Variants in FMN2 observed in about 807,000 individuals in gnomAD.
FMN2 encodes the protein formin 2.
A neutral mutation model predicts 142.3 loss-of-function variants in FMN2; 51 were observed. That is an observed-to-expected ratio of 0.36 (90% CI 0.29 to 0.45). FMN2 has a LOEUF of 0.45. FMN2 is among the 20% of genes least tolerant of loss of function. The probability of loss-of-function intolerance (pLI) is 1.00; values close to 1 mark genes in which losing one functional copy is unlikely to be tolerated. For synonymous variants in FMN2, 882 were observed against 869.8 expected, an observed-to-expected ratio of 1.01 and a Z score of -0.25; for missense variants, 1,936 against 2,122.8, an observed-to-expected ratio of 0.91 and a Z score of 1.73.
At chr1:240,156,840 T>C (rs1664044851) in intron 2 of FMN2, among the ~76,000 whole-genome samples, 1 of 152,126 alleles carries the variant, frequency 6.6e-6, no homozygotes, top group African/African-American at 2.4e-5. Flanking sequence ...GATTAATAGA[T>C]GCAATTCATT....
At chr1:240,330,467 TA>T in intron 10 of FMN2, 135 bp from the exon 11 acceptor site, 1 of 826,340 alleles carries the variant, frequency 1.2e-6, no homozygotes, top group Non-Finnish European at 1.8e-6. Context: ...AAAATATACC[TA>T]ATAATTAGGA....
intron 2 of FMN2, among the ~76,000 whole-genome samples, chr1:240,131,122 A>C (rs974773671): frequency 8.5e-5 from 13 of 152,174 alleles, no homozygotes; most frequent in African/African-American, 3.1e-4. Context: ...TGGATTTCTG[A>C]AAGTTTATTT....
intron 14 of FMN2, among the ~76,000 whole-genome samples, chr1:240,390,768 A>G (rs1673579707): frequency 6.6e-6 from 1 of 152,222 alleles, no homozygotes; most frequent in Admixed American, 6.5e-5. Flanking sequence ...CAAAATCAGG[A>G]ATCGAATACA....
intron 7 of FMN2, among the ~76,000 whole-genome samples, chr1:240,266,710 T>C (rs1479949512): frequency 6.6e-6 from 1 of 151,872 alleles, no homozygotes; most frequent in Non-Finnish European, 1.5e-5. Flanking sequence ...CAATTTATTA[T>C]TACAGAGACC....
At chr1:240,180,720 C>A (rs1043404895) in intron 3 of FMN2, among the ~76,000 whole-genome samples, 4 of 151,802 alleles carry the variant, frequency 2.6e-5, no homozygotes, top group African/African-American at 9.7e-5. Flanking sequence ...GCGCCCAACA[C>A]CATGCCAAGC....
intron 15 of FMN2, among the ~76,000 whole-genome samples, chr1:240,406,416 TCCCCCATGGC>T (rs1216074971): frequency 6.6e-6 from 1 of 151,738 alleles, no homozygotes; most frequent in South Asian, 2.1e-4. Context: ...GCACAGAATC[TCCCCCATGGC>T]GGCGTCTAGT....
chr1:240,319,187 GATGTA>G (rs896258029), intron 8 of FMN2, among the ~76,000 whole-genome samples: 2 of 152,074 alleles, frequency 1.3e-5, no homozygotes, highest in African/African-American at 4.8e-5. Context: ...ACAAGAAGAA[GATGTA>G]ATGTAATCAA....
rs372544106 is a variant in FMN2, at chr1:240,123,279, T to G, written c.1716T>G (p.Leu572=). 3.3e-5 allele frequency: 53 copies of G among 1,614,004 alleles called. 1 individual carries two copies. Among genetic ancestry groups the G allele is most frequent in the Non-Finnish European group, 3.9e-5 (46 of 1,180,022 alleles). Residue 572 remains leucine, a synonymous_variant, in exon 2 of 18, where the codon CTT becomes CTG. Coordinates refer to ENST00000319653, the MANE Select transcript of FMN2 (RefSeq NM_020066.5). Reference sequence around the variant, plus strand: ...GGATCATTGCCATGGGTCTTCTCCTTCCTTTTAGTGATTGCTTCAGGGAAC... The same window carrying G: ...GGATCATTGCCATGGGTCTTCTCCTGCCTTTTAGTGATTGCTTCAGGGAAC... ...CSRIIAMGLL[L]PFSDCFREPC...
intron 4 of FMN2, among the ~76,000 whole-genome samples, chr1:240,192,721 G>A (rs989205757): frequency 3.9e-5 from 6 of 152,274 alleles, no homozygotes; most frequent in Non-Finnish European, 7.4e-5. Flanking sequence ...CTGGGAAGGG[G>A]CAAGCGAGAG....
At chr1:240,188,714 A>AT (rs563757800) in intron 4 of FMN2, among the ~76,000 whole-genome samples, 206 of 152,048 alleles carry the variant, frequency 1.4e-3, no homozygotes, top group Non-Finnish European at 2.5e-3. Context: ...CCAGGAAACT[A>AT]TTTTTTTTCT....
intron 2 of FMN2, among the ~76,000 whole-genome samples, chr1:240,155,849 T>TA (rs148500129): frequency 8.2e-4 from 119 of 145,548 alleles, no homozygotes; most frequent in South Asian, 1.1e-3. Context: ...GCTATATCAT[T>TA]AAAAAAAAAA....
chr1:240,097,526 T>G (rs1385937404), intron 1 of FMN2, among the ~76,000 whole-genome samples: 1 of 152,086 alleles, frequency 6.6e-6, no homozygotes. Context: ...CAGCTAATTT[T>G]TTGTATTTTT....
Position 240,397,676 on chromosome 1 carries a change from G to A in FMN2, c.4910+5114G>A, listed in dbSNP as rs184058759. ...GTGGTGGTAGGGGCCTGTAATCCCA[G>A]CTATTCAGAAGGCTGAGGCATGAGA... is the stretch of plus-strand genomic sequence containing the variant. On this transcript the variant is annotated intron_variant, in intron 15 of 17. Coordinates refer to ENST00000319653, the MANE Select transcript of FMN2 (RefSeq NM_020066.5). Among the ~76,000 whole-genome samples, 158 of 148,366 alleles carry A rather than the reference G, an allele frequency of 1.1e-3. 1 individual carries two copies. The highest frequency in any genetic ancestry group is 7.1e-3 in the South Asian group (33 of 4,670).
intron 2 of FMN2, among the ~76,000 whole-genome samples, chr1:240,153,322 A>T (rs954259529): frequency 6.7e-6 from 1 of 149,504 alleles, no homozygotes; most frequent in Non-Finnish European, 1.5e-5. Context: ...CAAAATTCTT[A>T]TATCATCTCA....
At chr1:240,227,563 G>A (rs953699426) in intron 6 of FMN2, among the ~76,000 whole-genome samples, 1 of 152,146 alleles carries the variant, frequency 6.6e-6, no homozygotes, top group East Asian at 1.9e-4. Context: ...CAAAACTATA[G>A]TAATTAAGAC....
intron 16 of FMN2, among the ~76,000 whole-genome samples, chr1:240,455,982 A>C (rs1389048167): frequency 8.4e-6 from 1 of 119,574 alleles, no homozygotes; most frequent in African/African-American, 3.9e-5. Flanking sequence ...CAAAAATAAT[A>C]ATAATAATAA....
chr1:240,400,091 A>T (rs1320672802), intron 15 of FMN2, among the ~76,000 whole-genome samples: 1 of 152,204 alleles, frequency 6.6e-6, no homozygotes, highest in African/African-American at 2.4e-5. Context: ...CAGCAGCAAC[A>T]AGCAAAATGG....
At chr1:240,338,706 G>T (rs544105994) in intron 13 of FMN2, among the ~76,000 whole-genome samples, 1 of 152,286 alleles carries the variant, frequency 6.6e-6, no homozygotes, top group Admixed American at 6.5e-5. Context: ...TGGCAATAGG[G>T]ACCAGTTTCA....
chr1:240,286,355 G>A (rs1415378122), intron 7 of FMN2, among the ~76,000 whole-genome samples: 1 of 152,166 alleles, frequency 6.6e-6, no homozygotes, highest in African/African-American at 2.4e-5. Context: ...AAATCAACCT[G>A]ATGAAGTTGG....
Sources: gnomAD v4.1 joint callset for allele counts (sites outside exome capture counted in the v4.1 genomes callset) on GRCh38, gnomAD v4.1.1 for gene constraint, MANE v1.5 for transcripts, NCBI Gene and HGNC (gene_info 2026-07-23, HGNC 2026-07-21) for gene names.